The following HM13 variants were observed in gnomAD, a reference collection of about 807,000 sequenced individuals.
The protein encoded by HM13 is histocompatibility minor 13, also known as signal peptide peptidase.
Under a neutral mutation model 50.0 loss-of-function variants are expected in HM13, and 18 were observed. That is an observed-to-expected ratio of 0.36 (90% CI 0.25 to 0.53). HM13 has a LOEUF of 0.53. Ranked by LOEUF, HM13 falls within the 20% of genes least tolerant of loss-of-function variation. HM13 has a pLI of 0.90. For missense variants in HM13, 393 were observed against 552.4 expected, an observed-to-expected ratio of 0.71 and a Z score of 2.89; for synonymous variants, 197 against 232.6, an observed-to-expected ratio of 0.85 and a Z score of 1.39.
In HM13 at chr20:31,550,275, T is replaced by A. The variant is rs958732556; in HGVS notation, c.724+154T>A. ...CCTGGTTTCCTTATCCTCAATTGAT[T>A]CATCTGGCTGTGTTCATCCTGCCCA... On this transcript the variant is annotated intron_variant, in intron 7 of 12. Coordinates refer to ENST00000398174, the MANE Select transcript of HM13 (RefSeq NM_178581.3). 10 of 656,686 alleles carry A rather than the reference T, an allele frequency of 1.5e-5. No homozygotes were observed. The Middle Eastern group carries it at 1.2e-3, about 81-fold the overall frequency. 40.7% of individuals were successfully genotyped at this position (656,686 alleles called of 1,614,324 possible). A position where few individuals can be genotyped will look rare whatever the true frequency, so the allele number is the denominator to read the frequency against.
chr20:31,567,098 C>T (rs1213977588), intron 11 of HM13, among the ~76,000 whole-genome samples: 1 of 152,160 alleles, frequency 6.6e-6, no homozygotes, highest in East Asian at 1.9e-4. Context: ...CCGGACCTGC[C>T]TCTGCCCTCC....
At chr20:31,530,598 A>G (rs1982758806) in intron 2 of HM13, among the ~76,000 whole-genome samples, 1 of 152,010 alleles carries the variant, frequency 6.6e-6, no homozygotes, top group Non-Finnish European at 1.5e-5. Context: ...TTTAGTAGAG[A>G]TGGGGTTTCA....
chr20:31,567,260 G>C (rs1412346330), intron 11 of HM13, among the ~76,000 whole-genome samples: 1 of 152,178 alleles, frequency 6.6e-6, no homozygotes, highest in East Asian at 1.9e-4. Flanking sequence ...CGATCCCTGA[G>C]CTTAGCACCC....
rs767844872 is a variant in HM13, at chr20:31,559,601, T to C, written c.809-10T>C. 9 of 1,614,094 alleles carry C rather than the reference T, an allele frequency of 5.6e-6. No individual in the cohort carries two copies. In the Admixed American group the frequency reaches 1.5e-4, roughly 27 times the overall value. ...CCCTGCCACTCTCTAACCCCAGCTT[T>C]CTCCCACAGGGATCTTCATTGCCTT... On this transcript the variant is annotated splice_polypyrimidine_tract_variant and intron_variant, in intron 8 of 12. Transcript: ENST00000398174.
At chr20:31,544,862 G>A in intron 3 of HM13, 85 bp from the exon 4 acceptor site, 1 of 1,023,932 alleles carries the variant, frequency 9.8e-7, no homozygotes, top group Non-Finnish European at 1.5e-6. Flanking sequence ...CTGTAAGGGT[G>A]CCAGCTGTAA....
intron 8 of HM13, among the ~76,000 whole-genome samples, chr20:31,558,224 T>G (rs1385453005): frequency 6.6e-6 from 1 of 152,232 alleles, no homozygotes; most frequent in Admixed American, 6.5e-5. Context: ...AGTTTCAGAG[T>G]GCAGTGGGTG....
chr20:31,533,864 T>G (rs559984261), intron 2 of HM13, among the ~76,000 whole-genome samples: 1 of 152,178 alleles, frequency 6.6e-6, no homozygotes, highest in African/African-American at 2.4e-5. Flanking sequence ...AAAAAAGATG[T>G]TCCCCTTGTG....
chr20:31,525,869 T>G (rs765325748), intron 1 of HM13, among the ~76,000 whole-genome samples: 8 of 152,174 alleles, frequency 5.3e-5, no homozygotes, highest in Non-Finnish European at 1.0e-4. Flanking sequence ...CTCACACCTA[T>G]AAGTCCAGCA....
intron 2 of HM13, among the ~76,000 whole-genome samples, chr20:31,536,748 G>T (rs569032990): frequency 1.3e-5 from 2 of 152,096 alleles, no homozygotes; most frequent in Non-Finnish European, 2.9e-5. Context: ...CTTTGCACCT[G>T]CTCCCTTCGT....
rs762882693 is a variant in HM13 at position 31,554,739 on chromosome 20, G to C, written c.725-7G>C. ...CTGACTCCTCACATTCCCGCCTCCC[G>C]CTTCAGTGGTGTTTCCCCAGGATCT... On this transcript the variant is annotated splice_region_variant and splice_polypyrimidine_tract_variant and intron_variant, in intron 7 of 12. Transcript: ENST00000398174. 6.8e-6 allele frequency: 11 copies of C among 1,612,416 alleles called. No individual in the cohort carries two copies. The East Asian group carries it at 2.0e-4, about 29-fold the overall frequency.
chr20:31,527,632 T>C (rs769841332), intron 2 of HM13, 50 bp downstream of exon 2: 4 of 1,248,440 alleles, frequency 3.2e-6, no homozygotes, highest in Non-Finnish European at 4.6e-6. Context: ...GACTTTATCT[T>C]ATTTTGTTTT....
At chr20:31,562,273 G>A (rs1984658602) in intron 10 of HM13, 1 of 163,894 alleles carries the variant, frequency 6.1e-6, no homozygotes, top group South Asian at 1.6e-4. Context: ...GGAGCCCTCA[G>A]TGTGGCCTGG....
intron 2 of HM13, among the ~76,000 whole-genome samples, chr20:31,528,373 A>G (rs1395385989): frequency 3.3e-5 from 5 of 151,436 alleles, no homozygotes; most frequent in Admixed American, 2.6e-4. Flanking sequence ...CTGGAGTGCA[A>G]TGGCGCCATC....
rs796649793 is a variant in HM13 at position 31,517,341 on chromosome 20, C to T, written c.183+2607C>T. ...GGAGGAGCAGTCTCAGAGCAGCACC[C>T]ATCACTGTCAGAGTCCTATATCCCA... On this transcript the variant is annotated intron_variant, in intron 1 of 12. Coordinates refer to ENST00000398174, the MANE Select transcript of HM13 (RefSeq NM_178581.3). Among the ~76,000 whole-genome samples the T allele has an allele frequency of 3.3e-5, 5 of 152,136 alleles. No individual in the cohort carries two copies. The South Asian group carries it at 1.0e-3, about 32-fold the overall frequency.
intron 9 of HM13, among the ~76,000 whole-genome samples, chr20:31,560,341 G>C (rs1476394327): frequency 6.6e-6 from 1 of 152,176 alleles, no homozygotes; most frequent in Non-Finnish European, 1.5e-5. Context: ...ACTTTGAGGT[G>C]GTTTGTGAAC....
chr20:31,542,430 GA>G lies in HM13; in HGVS notation c.366-2516del, dbSNP rs73620402. Among the ~76,000 whole-genome samples the G allele has an allele frequency of 5.4e-4, 83 of 152,342 alleles. 1 individual carries two copies. The East Asian group carries it at 0.011, about 20-fold the overall frequency. Reference sequence around the variant, plus strand: ...CTGACCCTGCCTTCCACCCCCAGGGGAGAAGGGCACCAGGATGTGGCTTGTC... The same window carrying G: ...CTGACCCTGCCTTCCACCCCCAGGGGGAAGGGCACCAGGATGTGGCTTGTC... On this transcript the variant is annotated intron_variant, in intron 3 of 12. Transcript: ENST00000398174.
chr20:31,525,012 C>T (rs764257036), intron 1 of HM13, among the ~76,000 whole-genome samples: 7 of 152,078 alleles, frequency 4.6e-5, no homozygotes, highest in Non-Finnish European at 7.4e-5. Flanking sequence ...TGTGCCCGGC[C>T]TCTGTGGCTC....
At position 31,561,689 on chromosome 20, in the gene HM13, G is replaced by A. The variant is rs1301213926; in HGVS notation, c.901G>A (p.Gly301Ser). Residue 301 changes from glycine (G) to serine (S), a missense_variant, in exon 10 of 13, where the codon GGC (glycine) becomes AGC (serine). By Grantham distance (56) the Gly-to-Ser change is moderately conservative (BLOSUM62 0). Coordinates refer to ENST00000398174, the MANE Select transcript of HM13 (RefSeq NM_178581.3). ...CACCAGCTTTGCAGCCTACATCTTC[G>A]GCCTGGGCCTTACCATCTTCATCAT... ...FYTSFAAYIF[G>S]LGLTIFIMHI... The A allele has an allele frequency of 6.2e-7, 1 of 1,613,978 alleles. No individual in the cohort carries two copies.
chr20:31,516,079 G>T (rs1049296563), intron 1 of HM13, among the ~76,000 whole-genome samples: 1 of 152,254 alleles, frequency 6.6e-6, no homozygotes, highest in Non-Finnish European at 1.5e-5. Context: ...CTTAGGCTGA[G>T]AGACTCAAAC....
Sources: gnomAD v4.1 joint callset for allele counts (sites outside exome capture counted in the v4.1 genomes callset) on GRCh38, gnomAD v4.1.1 for gene constraint, MANE v1.5 for transcripts, NCBI Gene and HGNC (gene_info 2026-07-23, HGNC 2026-07-21) for gene names.